Variants in PAPPA2 observed in about 807,000 individuals in gnomAD.
The protein encoded by PAPPA2 is pappalysin 2.
A neutral mutation model predicts 176.4 loss-of-function variants in PAPPA2; 86 were observed. That is an observed-to-expected ratio of 0.49 (90% CI 0.41 to 0.58). PAPPA2 has a LOEUF of 0.58. Ranked by LOEUF, PAPPA2 falls within the 20% of genes least tolerant of loss-of-function variation. PAPPA2 has a pLI of 0.00. For missense variants in PAPPA2, 2,073 were observed against 2,256.9 expected (o/e 0.92, Z 1.65); for synonymous variants, 809 against 852.2 (o/e 0.95, Z 0.88).
intron 20 of PAPPA2, among the ~76,000 whole-genome samples, chr1:176,797,286 G>A (rs1354574421): frequency 6.6e-6 from 1 of 152,104 alleles, no homozygotes; most frequent in African/African-American, 2.4e-5. Flanking sequence ...GTTAGGCAAA[G>A]GATATAAAGT....
At position 176,665,188 on chromosome 1, in the gene PAPPA2, A is replaced by G. The variant is rs543548031; in HGVS notation, c.1992-5782A>G. On this transcript the variant is annotated intron_variant, in intron 3 of 22. Transcript: ENST00000367662. ...TGGGCATGAATGAGCTCATACTACC[A>G]TTAACAATCAAATTACATTAGCTCA... 9.7e-4 allele frequency among the ~76,000 whole-genome samples: 148 copies of G among 152,304 alleles called. 1 individual carries two copies. The highest frequency in any genetic ancestry group is 3.4e-3 in the Middle Eastern group (1 of 294).
At chr1:176,626,477 A>C (rs1656022602) in intron 3 of PAPPA2, among the ~76,000 whole-genome samples, 1 of 152,182 alleles carries the variant, frequency 6.6e-6, no homozygotes, top group Non-Finnish European at 1.5e-5. Context: ...TCAGTATGGA[A>C]ATTTCTGAGT....
intron 3 of PAPPA2, among the ~76,000 whole-genome samples, chr1:176,618,207 A>G (rs1429674973): frequency 6.6e-6 from 1 of 152,154 alleles, no homozygotes; most frequent in Non-Finnish European, 1.5e-5. Context: ...TTTTATATTA[A>G]GCTAAACCTT....
At chr1:176,658,890 A>G (rs180812536) in intron 3 of PAPPA2, among the ~76,000 whole-genome samples, 5 of 152,156 alleles carry the variant, frequency 3.3e-5, no homozygotes, top group East Asian at 3.9e-4. Flanking sequence ...CAGAAAAATA[A>G]GAAGAGATTA....
At chr1:176,548,931 T>G (rs1650783363) in intron 1 of PAPPA2, among the ~76,000 whole-genome samples, 1 of 152,098 alleles carries the variant, frequency 6.6e-6, no homozygotes, top group South Asian at 2.1e-4. Context: ...ATGGGGATGA[T>G]AGAGGCACCC....
rs151044398 is a variant in PAPPA2 at position 176,502,695 on chromosome 1, C to T, written c.-917+39277C>T. 4.6e-4 allele frequency among the ~76,000 whole-genome samples: 70 copies of T among 152,282 alleles called. No individual in the cohort carries two copies. In the South Asian group the frequency reaches 5.6e-3, roughly 12 times the overall value. Reference sequence around the variant, plus strand: ...TAAGTGCTATGGAAGGTGTGCATGGCAAGACTAAGTTGTTTTTCTTTCAAA... The same window carrying T: ...TAAGTGCTATGGAAGGTGTGCATGGTAAGACTAAGTTGTTTTTCTTTCAAA... On this transcript the variant is annotated intron_variant, in intron 1 of 22. Transcript: ENST00000367662.
Position 176,609,729 on chromosome 1 carries a change from A to T in PAPPA2, c.1991+14134A>T, listed in dbSNP as rs532559722. On this transcript the variant is annotated intron_variant, in intron 3 of 22. Coordinates refer to ENST00000367662, the MANE Select transcript of PAPPA2 (RefSeq NM_020318.3). ...TCCAGGGCTTGGGCAGCAGAGGGCCATCTGTGGTAGAGTGGTACCTGTGGA... is the reference window on the plus strand; with the variant it reads ...TCCAGGGCTTGGGCAGCAGAGGGCCTTCTGTGGTAGAGTGGTACCTGTGGA... 5.9e-5 allele frequency among the ~76,000 whole-genome samples: 9 copies of T among 152,316 alleles called. No individual in the cohort carries two copies. In the South Asian group the frequency reaches 1.9e-3, roughly 32 times the overall value.
At chr1:176,718,236 C>T (rs557862141) in intron 12 of PAPPA2, among the ~76,000 whole-genome samples, 8 of 151,918 alleles carry the variant, frequency 5.3e-5, no homozygotes, top group African/African-American at 1.9e-4. Context: ...TCATAATATT[C>T]TGCTATTTTC....
intron 3 of PAPPA2, among the ~76,000 whole-genome samples, chr1:176,660,066 G>A (rs1268800111): frequency 6.6e-6 from 1 of 152,084 alleles, no homozygotes; most frequent in African/African-American, 2.4e-5. Context: ...ACATGGCATG[G>A]TTGCCAGATT....
At chr1:176,479,875 C>T (rs185593805) in intron 1 of PAPPA2, among the ~76,000 whole-genome samples, 25 of 152,320 alleles carry the variant, frequency 1.6e-4, no homozygotes, top group African/African-American at 5.1e-4. Flanking sequence ...TTGTATTCCC[C>T]ACATTTATAG....
chr1:176,806,626 AC>A (rs1665918705), intron 21 of PAPPA2, among the ~76,000 whole-genome samples: 1 of 152,222 alleles, frequency 6.6e-6, no homozygotes, highest in Non-Finnish European at 1.5e-5. Context: ...AAGTCAGTTA[AC>A]TTTTCTGAAT....
At chr1:176,694,185 G>A (rs1172521003) in intron 6 of PAPPA2, among the ~76,000 whole-genome samples, 1 of 152,180 alleles carries the variant, frequency 6.6e-6, no homozygotes, top group Non-Finnish European at 1.5e-5. Flanking sequence ...CTTAGCAGCA[G>A]CCACGGAAGG....
At chr1:176,822,334 A>G (rs759507019) in intron 21 of PAPPA2, among the ~76,000 whole-genome samples, 6 of 152,166 alleles carry the variant, frequency 3.9e-5, no homozygotes, top group Non-Finnish European at 7.4e-5. Context: ...GCAGTGAGGA[A>G]CATCCACTTT....
intron 3 of PAPPA2, among the ~76,000 whole-genome samples, chr1:176,601,102 C>T (rs190280904): frequency 6.6e-6 from 1 of 152,280 alleles, no homozygotes; most frequent in African/African-American, 2.4e-5. Context: ...CATGAGAGCT[C>T]TGCCCTCGTG....
intron 1 of PAPPA2, among the ~76,000 whole-genome samples, chr1:176,485,764 G>T (rs967504443): frequency 9.2e-5 from 14 of 152,094 alleles, no homozygotes; most frequent in Non-Finnish European, 1.9e-4. Flanking sequence ...TTCAGTGATT[G>T]GGAATTTGAA....
chr1:176,670,421 C>G (rs1415891895), intron 3 of PAPPA2, among the ~76,000 whole-genome samples: 1 of 152,122 alleles, frequency 6.6e-6, no homozygotes. Context: ...CTTGCAGTAG[C>G]TTTATTATGT....
At chr1:176,627,360 G>C (rs770351747) in intron 3 of PAPPA2, among the ~76,000 whole-genome samples, 30 of 152,130 alleles carry the variant, frequency 2.0e-4, no homozygotes, top group Admixed American at 6.5e-4. Flanking sequence ...TCAAATTCTA[G>C]ATAAGAATCT....
chr1:176,606,340 A>AT, intron 3 of PAPPA2, among the ~76,000 whole-genome samples: 1 of 152,342 alleles, frequency 6.6e-6, no homozygotes, highest in Non-Finnish European at 1.5e-5. Flanking sequence ...CTGATAGTGG[A>AT]TAAAAACTAA....
chr1:176,556,669 C>T lies in PAPPA2; in HGVS notation c.347C>T (p.Ala116Val), dbSNP rs1651316796. 2.5e-6 allele frequency: 4 copies of T among 1,614,030 alleles called. No homozygotes were observed. The highest frequency in any genetic ancestry group is 3.4e-6 in the Non-Finnish European group (4 of 1,180,018). Residue 116 changes from alanine to valine, a missense_variant, in exon 2 of 23, where the codon GCA (alanine) becomes GTA (valine). Physicochemically the swap from Ala to Val is moderately conservative, Grantham distance 64. Transcript: ENST00000367662. Reference protein sequence around the residue: ...LVPPDLTENPAGLRGAVEEPA... With the variant: ...LVPPDLTENPVGLRGAVEEPA... ...CCCCCAGACCTGACTGAAAATCCAG[C>T]AGGACTGAGGGGTGCAGTTGAAGAG...
Sources: allele counts gnomAD v4.1 joint callset (sites outside exome capture counted in the v4.1 genomes callset), GRCh38; gene constraint gnomAD v4.1.1; transcripts MANE v1.5; gene names NCBI Gene and HGNC (gene_info 2026-07-23, HGNC 2026-07-21).